Variants in SIRT3 observed in about 807,000 individuals in gnomAD.
SIRT3 encodes NAD-dependent protein deacetylase sirtuin-3, mitochondrial.
Under a neutral mutation model 33.5 loss-of-function variants are expected in SIRT3, and 26 were observed. The ratio of observed to expected loss-of-function variants is 0.78; its 90% CI spans 0.57 to 1.08. SIRT3 has a LOEUF of 1.08. Ranked by LOEUF, SIRT3 falls within the 50% of genes least tolerant of loss-of-function variation. SIRT3 has a pLI of 0.00. For missense variants in SIRT3, 585 were observed against 530.1 expected, an observed-to-expected ratio of 1.10 and a Z score of -1.02; for synonymous variants, 237 against 222.1, an observed-to-expected ratio of 1.07 and a Z score of -0.60.
In SIRT3 at chr11:224,196, G is replaced by C; in HGVS notation, c.851C>G (p.Thr284Ser). 6.2e-7 allele frequency: 1 copy of C among 1,614,178 alleles called. No individual in the cohort carries two copies. The highest frequency in any genetic ancestry group is 2.2e-5 in the East Asian group (1 of 44,884). Residue 284 changes from threonine (T) to serine (S), a missense_variant, in exon 5 of 7, where the codon ACC (threonine) becomes AGC (serine). Physicochemically the swap from Thr to Ser is moderately conservative, Grantham distance 58 (BLOSUM62 1). Transcript: ENST00000382743. ...ADRVPRCPVCTGVVKPDIVFF... is the reference protein window; with the variant it reads ...ADRVPRCPVCSGVVKPDIVFF... ...CACAATGTCGGGCTTCACAACGCCG[G>C]TGCAGACCGGGCAGCGGGGAACCCT... is the stretch of plus-strand genomic sequence containing the variant.
chr11:235,214 T>TC (rs200172457), intron 1 of SIRT3, among the ~76,000 whole-genome samples: 7 of 136,882 alleles, frequency 5.1e-5, no homozygotes, highest in African/African-American at 2.0e-4. Flanking sequence ...CTTTTTTTTT[T>TC]CCCACAGGTA....
chr11:220,733 A>G (rs1012387392), intron 5 of SIRT3, among the ~76,000 whole-genome samples: 1 of 152,260 alleles, frequency 6.6e-6, no homozygotes, highest in Non-Finnish European at 1.5e-5. Context: ...GAGTTCTTGC[A>G]TGGGTAGATA....
In SIRT3 at chr11:235,960, G is replaced by C. The variant is rs578163564; in HGVS notation, c.281+88C>G. 3 of 1,370,400 alleles carry C rather than the reference G, an allele frequency of 2.2e-6. No homozygotes were observed. The African/African-American group carries it at 4.5e-5, about 20-fold the overall frequency. 84.9% of individuals were successfully genotyped at this position (1,370,400 alleles called of 1,614,324 possible). On this transcript the variant is annotated intron_variant, in intron 1 of 6. Transcript: ENST00000382743. ...GGAACGCACGTAAACTCCCAGACATGCCGCAAAGGAAACACGGCAAGGTGA... is the reference window on the plus strand; with the variant it reads ...GGAACGCACGTAAACTCCCAGACATCCCGCAAAGGAAACACGGCAAGGTGA...
In SIRT3 at chr11:223,511, A is replaced by C; in HGVS notation, c.969+567T>G. On this transcript the variant is annotated intron_variant, in intron 5 of 6. Transcript: ENST00000382743. The surrounding 1 kb of genome is among the most constrained non-coding windows in gnomAD (Gnocchi z 4.8). The stretch of plus-strand genomic sequence containing the variant: ...AAGGCCTCCCTGACCCCAAGGGTGC[A>C]GCTACGTCCCCGGGCCAGTCCCTGT... The C allele has an allele frequency of 3.0e-6, 1 of 337,982 alleles. No individual in the cohort carries two copies. Among genetic ancestry groups the C allele is most frequent in the Non-Finnish European group, 5.8e-6 (1 of 171,576 alleles). The allele number at this position is 337,982 out of a possible 1,614,324, so 20.9% of individuals were successfully genotyped here. A position where few individuals can be genotyped will look rare whatever the true frequency, so the allele number is the denominator to read the frequency against.
rs28365927 is a variant in SIRT3, at chr11:236,091, G to A, written c.238C>T (p.Arg80Trp). 0.15 allele frequency: 230,363 copies of A among 1,561,618 alleles called. 19,156 individuals carry two copies. The highest frequency in any genetic ancestry group is 0.34 in the South Asian group (29,202 of 85,602). The change falls in exon 1 of 7, where the codon CGG becomes TGG. Residue 80 changes from arginine to tryptophan, a missense_variant. Physicochemically the swap from Arg to Trp is moderately radical, Grantham distance 101. Transcript: ENST00000382743. Reference protein sequence around the residue: ...PPRPEVPRAFRRQPRAAAPSF... With the variant: ...PPRPEVPRAFWRQPRAAAPSF... Reference sequence around the variant, plus strand: ...GGAGCTGCTGCCCTCGGCTGCCTCCGGAATGCCCTGGGCACCTCGGGTCTG... The same window carrying A: ...GGAGCTGCTGCCCTCGGCTGCCTCCAGAATGCCCTGGGCACCTCGGGTCTG...
upstream of SIRT3, chr11:236,360 C>CGCCCCGCCCCCGGCGCCCCG: frequency 8.1e-7 from 1 of 1,231,998 alleles, no homozygotes; most frequent in Non-Finnish European, 1.0e-6. Flanking sequence ...CCTCCGGACT[C>CGCCCCGCCCCCGGCGCCCCG]GCCCCGCCCC....
chr11:218,828 G>C lies in SIRT3; in HGVS notation c.1179+4C>G, dbSNP rs765448828. 4.3e-6 allele frequency: 7 copies of C among 1,614,046 alleles called. No individual in the cohort carries two copies. Among genetic ancestry groups the C allele is most frequent in the African/African-American group, 2.7e-5 (2 of 74,912 alleles). On this transcript the variant is annotated splice_donor_region_variant and intron_variant, in intron 6 of 6. Coordinates refer to ENST00000382743, the MANE Select transcript of SIRT3 (RefSeq NM_012239.6). ...CTTGGATGGTCCTCCTCAGCAGTCT[G>C]TACCTTCCCAGTTTCCCGCTGCACA...
At position 233,201 on chromosome 11, in the gene SIRT3, C is replaced by G; in HGVS notation, c.488G>C (p.Gly163Ala). 6.2e-7 allele frequency: 1 copy of G among 1,613,696 alleles called. No individual in the cohort carries two copies. Among genetic ancestry groups the G allele is most frequent in the Non-Finnish European group, 8.5e-7 (1 of 1,179,772 alleles). The change falls in exon 3 of 7, where the codon GGC becomes GCC. Residue 163 changes from glycine to alanine, a missense_variant. By Grantham distance (60) the Gly-to-Ala change is moderately conservative. Transcript: ENST00000382743. ...GIPDFRSPGS[G>A]LYSNLQQYDL... The stretch of plus-strand genomic sequence containing the variant: ...GTACTGCTGGAGGTTGCTGTACAGG[C>G]CACTCCCCGGCGATCTGCAGGGAGA...
chr11:216,798 T>G, intron 6 of SIRT3, 80 bp from the exon 7 acceptor site: 58 of 1,443,308 alleles, frequency 4.0e-5, no homozygotes, highest in Middle Eastern at 1.8e-4. Context: ...CAAACAGCTC[T>G]AGCTGCAGAC....
rs370668649 is a variant in SIRT3, at chr11:227,310, T to C, written c.808-3071A>G. On this transcript the variant is annotated intron_variant, in intron 4 of 6. Transcript: ENST00000382743. ...AAAATTAGCTGGGCATGGTGGCGCA[T>C]GCCTGCAATCCCAGCTACTCAGGAG... Among the ~76,000 whole-genome samples the C allele has an allele frequency of 1.2e-3, 180 of 151,570 alleles. 2 individuals carry two copies. The South Asian group carries it at 0.019, about 16-fold the overall frequency.
chr11:236,196 C>T lies in SIRT3; in HGVS notation c.133G>A (p.Asp45Asn), dbSNP rs550597420. ...CTGCCTCTCAGCCCCGCACTCACATCGTCCCTGCCGCCAAGCACCAGCCGA... is the reference window on the plus strand; with the variant it reads ...CTGCCTCTCAGCCCCGCACTCACATTGTCCCTGCCGCCAAGCACCAGCCGA... ...GCRLVLGGRD[D>N]VSAGLRGSHG... The change falls in exon 1 of 7, where the codon GAT becomes AAT. Residue 45 changes from aspartate (D) to asparagine (N), a missense_variant. Physicochemically the swap from Asp to Asn is conservative, Grantham distance 23 (BLOSUM62 1). Coordinates refer to ENST00000382743, the MANE Select transcript of SIRT3 (RefSeq NM_012239.6). 1.9e-6 allele frequency: 3 copies of T among 1,560,230 alleles called. No individual in the cohort carries two copies. Among genetic ancestry groups the T allele is most frequent in the Non-Finnish European group, 2.6e-6 (3 of 1,156,078 alleles).
At chr11:225,070 G>A (rs1199719898) in intron 4 of SIRT3, among the ~76,000 whole-genome samples, 1 of 148,140 alleles carries the variant, frequency 6.8e-6, no homozygotes, top group African/African-American at 2.5e-5. Flanking sequence ...GAGGCATGGG[G>A]TATAGCAAAA....
intron 3 of SIRT3, among the ~76,000 whole-genome samples, chr11:231,556 T>A (rs567176743): frequency 5.3e-4 from 81 of 152,324 alleles, no homozygotes; most frequent in African/African-American, 1.9e-3. Flanking sequence ...AAAAAGTGAC[T>A]TCTTATGAAA....
chr11:227,680 C>T (rs553535822), intron 4 of SIRT3, among the ~76,000 whole-genome samples: 4 of 152,042 alleles, frequency 2.6e-5, no homozygotes, highest in African/African-American at 7.2e-5. Context: ...GGCTGGAGTG[C>T]AGTGGTGCGA....
At position 231,356 on chromosome 11, in the gene SIRT3, G is replaced by A. The variant is rs558319855; in HGVS notation, c.707-804C>T. On this transcript the variant is annotated intron_variant, in intron 3 of 6. Transcript: ENST00000382743. ...GAGGCTGAGGCAAAAGGATCACTTC[G>A]GCCCAAGAGTTCAGGCTATAGTGAG... is the stretch of plus-strand genomic sequence containing the variant. Among the ~76,000 whole-genome samples, 4 of 152,122 alleles carry A rather than the reference G, an allele frequency of 2.6e-5. No homozygotes were observed. In the South Asian group the frequency reaches 6.2e-4, roughly 24 times the overall value.
intron 5 of SIRT3, among the ~76,000 whole-genome samples, 200 bp from the exon 6 acceptor site, chr11:219,241 C>CCT (rs377572725): frequency 0.018 from 2,782 of 151,516 alleles, 56 homozygotes; most frequent in African/African-American, 0.051. Context: ...CTCCCCTCCG[C>CCT]CTCTCTCTCT....
chr11:228,622 T>C (rs1857482086), intron 4 of SIRT3, among the ~76,000 whole-genome samples: 1 of 152,030 alleles, frequency 6.6e-6, no homozygotes, highest in South Asian at 2.1e-4. Flanking sequence ...TCAAAATGGA[T>C]CAAAGAACTA....
rs1315315204 is a variant in SIRT3, at chr11:223,482, C to T, written c.969+596G>A. The T allele has an allele frequency of 3.2e-6, 1 of 316,540 alleles. No homozygotes were observed. Among genetic ancestry groups the T allele is most frequent in the East Asian group, 8.5e-5 (1 of 11,794 alleles). 19.6% of individuals were successfully genotyped at this position (316,540 alleles called of 1,614,324 possible). A position where few individuals can be genotyped will look rare whatever the true frequency, so the allele number is the denominator to read the frequency against. ...GCACTGCTTGCTCCACTCTCCACTCCCCAAAGGCCTCCCTGACCCCAAGGG... is the reference window on the plus strand; with the variant it reads ...GCACTGCTTGCTCCACTCTCCACTCTCCAAAGGCCTCCCTGACCCCAAGGG... On this transcript the variant is annotated intron_variant, in intron 5 of 6. Transcript: ENST00000382743. This position sits in a 1 kb window ranked among gnomAD's most constrained non-coding sequence, Gnocchi z 4.8.
At chr11:236,734 G>T, upstream of SIRT3, 1 of 452,560 alleles carries the variant, frequency 2.2e-6, no homozygotes, top group South Asian at 2.4e-5. Flanking sequence ...CATTTGACAG[G>T]AGCAATTCCG....
Sources: gnomAD v4.1 joint callset for allele counts (sites outside exome capture counted in the v4.1 genomes callset) on GRCh38, gnomAD v4.1.1 for gene constraint, Gnocchi (gnomAD v3.1) non-coding constraint, MANE v1.5 for transcripts, NCBI Gene and HGNC (gene_info 2026-07-23, HGNC 2026-07-21) for gene names.